The following PAM variants were observed in gnomAD, a reference collection of about 807,000 sequenced individuals.
PAM encodes the protein peptidyl-glycine alpha-amidating monooxygenase.
In PAM, 72 loss-of-function variants were observed where a neutral mutation model predicts 122.1. The observed-to-expected ratio is 0.59, with a 90% CI of 0.49 to 0.72. The LOEUF is 0.72. Ranked by LOEUF, PAM falls within the 30% of genes least tolerant of loss-of-function variation. The probability of loss-of-function intolerance (pLI) is 0.00; values close to 1 mark genes in which losing one functional copy is unlikely to be tolerated. For synonymous variants in PAM, 389 were observed against 404.4 expected, an observed-to-expected ratio of 0.96 and a Z score of 0.46; for missense variants, 1,106 against 1,183.7, an observed-to-expected ratio of 0.93 and a Z score of 0.96.
chr5:102,942,454 C>T (rs1755583657), intron 7 of PAM, among the ~76,000 whole-genome samples: 1 of 151,854 alleles, frequency 6.6e-6, no homozygotes, highest in South Asian at 2.1e-4. Flanking sequence ...AAAATGATGT[C>T]CCTGATTCAT....
chr5:102,866,436 G>C (rs1785586952), intron 2 of PAM, 152 bp downstream of exon 2: 1 of 629,998 alleles, frequency 1.6e-6, no homozygotes, highest in African/African-American at 1.8e-5. Flanking sequence ...GAAGTCCCCC[G>C]TGCAGAAAAA....
At chr5:102,943,051 A>G (rs1034204764) in intron 7 of PAM, among the ~76,000 whole-genome samples, 1 of 152,142 alleles carries the variant, frequency 6.6e-6, no homozygotes, top group Non-Finnish European at 1.5e-5. Flanking sequence ...AGTGTGGTGA[A>G]TTGAAAATCA....
chr5:102,900,768 ATAT>A (rs1243178518), intron 3 of PAM, among the ~76,000 whole-genome samples: 1 of 151,592 alleles, frequency 6.6e-6, no homozygotes, highest in African/African-American at 2.4e-5. Context: ...CTTGATGTTA[ATAT>A]ATTTGATAGT....
chr5:102,850,643 T>G (rs905476402), intron 1 of PAM, among the ~76,000 whole-genome samples: 3 of 152,140 alleles, frequency 2.0e-5, no homozygotes, highest in Non-Finnish European at 2.9e-5. Context: ...TTCACTTCTG[T>G]TCCTCCTTAT....
chr5:103,010,846 G>A (rs1047481594), intron 21 of PAM, among the ~76,000 whole-genome samples: 9 of 151,942 alleles, frequency 5.9e-5, no homozygotes, highest in Non-Finnish European at 1.2e-4. Context: ...TTTAGCACAG[G>A]TATGCAATGT....
chr5:102,984,115 G>A (rs1034363313), intron 15 of PAM, among the ~76,000 whole-genome samples: 4 of 151,936 alleles, frequency 2.6e-5, no homozygotes, highest in Admixed American at 6.6e-5. Context: ...AAAGAGAAAG[G>A]ACTCAAGTGT....
rs1756322466 is a variant in PAM, at chr5:102,773,428, T to C, written c.-374+18080T>C. ...GATCTCTGTTGCAACTACTCAACTCTTTTCTTATAGCACAAAAGCAACAAT... is the reference window on the plus strand; with the variant it reads ...GATCTCTGTTGCAACTACTCAACTCCTTTCTTATAGCACAAAAGCAACAAT... On this transcript the variant is annotated intron_variant, in intron 1 of 25. Transcript: ENST00000438793. 2.6e-5 allele frequency among the ~76,000 whole-genome samples: 4 copies of C among 152,224 alleles called. No homozygotes were observed. The South Asian group carries it at 8.3e-4, about 32-fold the overall frequency.
At chr5:102,890,353 C>T (rs1242958624) in intron 3 of PAM, among the ~76,000 whole-genome samples, 3 of 151,828 alleles carry the variant, frequency 2.0e-5, no homozygotes, top group African/African-American at 7.3e-5. Context: ...AGCTTATTAT[C>T]TATTGCTTTT....
At chr5:102,785,310 A>C (rs1254367284) in intron 1 of PAM, among the ~76,000 whole-genome samples, 1 of 152,238 alleles carries the variant, frequency 6.6e-6, no homozygotes, top group African/African-American at 2.4e-5. Context: ...AAGCCTTTCA[A>C]ATGAATCTCA....
At chr5:102,970,802 T>C (rs535783195) in intron 14 of PAM, among the ~76,000 whole-genome samples, 2 of 151,942 alleles carry the variant, frequency 1.3e-5, no homozygotes, top group African/African-American at 4.8e-5. Context: ...TTTAATTTTA[T>C]TTTTTTTACT....
chr5:102,810,196 C>T (rs1435726590), intron 1 of PAM, among the ~76,000 whole-genome samples: 2 of 152,018 alleles, frequency 1.3e-5, no homozygotes, highest in East Asian at 1.9e-4. Flanking sequence ...GTAATAATTA[C>T]GAAATATTTC....
intron 7 of PAM, among the ~76,000 whole-genome samples, chr5:102,930,702 G>T (rs773220051): frequency 6.6e-6 from 1 of 152,258 alleles, no homozygotes; most frequent in Middle Eastern, 3.4e-3. Flanking sequence ...TCCTAATGCC[G>T]CTCAGTCTTG....
At chr5:102,924,405 C>A (rs1748603094) in intron 5 of PAM, among the ~76,000 whole-genome samples, 1 of 149,786 alleles carries the variant, frequency 6.7e-6, no homozygotes, top group Non-Finnish European at 1.5e-5. Flanking sequence ...TGCACTCCAG[C>A]CTGGGCAACA....
intron 1 of PAM, among the ~76,000 whole-genome samples, chr5:102,813,787 G>C (rs1391596631): frequency 1.3e-5 from 2 of 152,150 alleles, no homozygotes; most frequent in Non-Finnish European, 2.9e-5. Context: ...TGGAAATAAA[G>C]GGTACTCTTT....
At chr5:102,902,333 G>A (rs1263385626) in intron 4 of PAM, among the ~76,000 whole-genome samples, 1 of 151,562 alleles carries the variant, frequency 6.6e-6, no homozygotes, top group Non-Finnish European at 1.5e-5. Context: ...CAAAGCCAGA[G>A]CAATGTGCAT....
At chr5:103,028,303 A>G in intron 25 of PAM, 65 bp downstream of exon 25, 1 of 1,104,148 alleles carries the variant, frequency 9.1e-7, no homozygotes. Context: ...ATGTCTTTTA[A>G]AAAGCAAGGA....
At chr5:103,011,176 A>G (rs1780493964) in intron 21 of PAM, among the ~76,000 whole-genome samples, 1 of 152,226 alleles carries the variant, frequency 6.6e-6, no homozygotes, top group African/African-American at 2.4e-5. Flanking sequence ...AAGGAAGACT[A>G]CCTGATGGAG....
chr5:102,841,941 C>T (rs554234965), intron 1 of PAM, among the ~76,000 whole-genome samples: 11 of 152,142 alleles, frequency 7.2e-5, no homozygotes, highest in African/African-American at 2.4e-4. Context: ...AGGTAAGTAG[C>T]ATGTGGCAAG....
intron 7 of PAM, among the ~76,000 whole-genome samples, chr5:102,945,671 A>G (rs948201927): frequency 1.3e-5 from 2 of 151,174 alleles, no homozygotes; most frequent in Non-Finnish European, 2.9e-5. Flanking sequence ...TCTCCTTTTT[A>G]CTTTTATTCT....
Sources: allele counts gnomAD v4.1 joint callset (sites outside exome capture counted in the v4.1 genomes callset), GRCh38; gene constraint gnomAD v4.1.1; transcripts MANE v1.5; gene names NCBI Gene and HGNC (gene_info 2026-07-23, HGNC 2026-07-21).